Variants in DYNC1LI1 observed in about 807,000 individuals in gnomAD.
DYNC1LI1 encodes the protein dynein cytoplasmic 1 light intermediate chain 1.
Under a neutral mutation model 63.8 loss-of-function variants are expected in DYNC1LI1, and 19 were observed. The ratio of observed to expected loss-of-function variants is 0.30; its 90% confidence interval spans 0.21 to 0.44. The LOEUF is 0.44. Ranked by LOEUF, DYNC1LI1 falls within the 20% of genes least tolerant of loss-of-function variation. The probability of loss-of-function intolerance (pLI) is 1.00; values close to 1 mark genes in which losing one functional copy is unlikely to be tolerated. For missense variants in DYNC1LI1, 565 were observed against 630.2 expected (o/e 0.90, Z 1.11); for synonymous variants, 225 against 232.3 (o/e 0.97, Z 0.28).
chr3:32,533,634 T>C (rs867230723), intron 7 of DYNC1LI1, among the ~76,000 whole-genome samples: 2 of 150,218 alleles, frequency 1.3e-5, no homozygotes, highest in South Asian at 4.3e-4. Context: ...GGCTCAACCA[T>C]GGCTCACTGC....
chr3:32,545,792 G>A, intron 3 of DYNC1LI1, 57 bp downstream of exon 3: 1 of 1,162,498 alleles, frequency 8.6e-7, no homozygotes, highest in Middle Eastern at 1.9e-4. Context: ...AGACTAATGT[G>A]AATGGCAGTG....
At chr3:32,543,566 T>C (rs1223151739) in intron 4 of DYNC1LI1, among the ~76,000 whole-genome samples, 2 of 113,872 alleles carry the variant, frequency 1.8e-5, no homozygotes, top group Admixed American at 1.7e-4. Flanking sequence ...GCTGGGCTAA[T>C]TTTTTTTTTT....
intron 5 of DYNC1LI1, among the ~76,000 whole-genome samples, chr3:32,537,965 TATATATATTTATATATAA>T (rs1697808240): frequency 3.8e-4 from 1 of 2,662 alleles, no homozygotes; most frequent in African/African-American, 1.4e-3. Flanking sequence ...ATATATAATA[TATATATATTTATATATAA>T]TATATATATA....
At chr3:32,551,528 G>A (rs1247019912) in intron 2 of DYNC1LI1, among the ~76,000 whole-genome samples, 1 of 152,162 alleles carries the variant, frequency 6.6e-6, no homozygotes, top group Non-Finnish European at 1.5e-5. Flanking sequence ...CACAGTTTAG[G>A]TACTTTAGAA....
chr3:32,550,710 A>C lies in DYNC1LI1; in HGVS notation c.221-4745T>G, dbSNP rs140110519. 1.5e-3 allele frequency among the ~76,000 whole-genome samples: 231 copies of C among 152,352 alleles called. 2 individuals carry two copies. Among genetic ancestry groups the C allele is most frequent in the African/African-American group, 5.1e-3 (211 of 41,582 alleles). ...AGAATCACCTGAGAAGTTTGTTAAA[A>C]CACAGATTACTGGGACCCACCCCCT... On this transcript the variant is annotated intron_variant, in intron 2 of 12. Transcript: ENST00000273130.
At position 32,532,747 on chromosome 3, in the gene DYNC1LI1, A is replaced by G. The variant is rs529332325; in HGVS notation, c.1080+239T>C. ...TATATTAGAATGTGGATTCTGCACT[A>G]ACAATTGCTAATATAAATATGCCAA... On this transcript the variant is annotated intron_variant, in intron 8 of 12. Coordinates refer to ENST00000273130, the MANE Select transcript of DYNC1LI1 (RefSeq NM_016141.4). The G allele has an allele frequency of 4.0e-4, 213 of 530,298 alleles. 1 individual carries two copies. Among genetic ancestry groups the G allele is most frequent in the African/African-American group, 3.6e-3 (179 of 49,842 alleles). The allele number at this position is 530,298 out of a possible 1,614,324, so 32.8% of individuals were successfully genotyped here. A position where few individuals can be genotyped will look rare whatever the true frequency, so the allele number is the denominator to read the frequency against.
chr3:32,561,002 CAAAAAAAAAAA>C (rs59037467), intron 2 of DYNC1LI1, among the ~76,000 whole-genome samples: 4 of 26,120 alleles, frequency 1.5e-4, no homozygotes, highest in Non-Finnish European at 2.8e-4. Context: ...AACTCCGTCT[CAAAAAAAAAAA>C]AAAAAAAAAA....
chr3:32,539,532 A>G (rs1016404903), intron 5 of DYNC1LI1, among the ~76,000 whole-genome samples: 1 of 151,062 alleles, frequency 6.6e-6, no homozygotes, highest in African/African-American at 2.4e-5. Flanking sequence ...AAATTGATCT[A>G]TTATTATTAT....
intron 6 of DYNC1LI1, among the ~76,000 whole-genome samples, chr3:32,535,888 T>C (rs759865389): frequency 2.6e-5 from 4 of 152,310 alleles, no homozygotes; most frequent in Admixed American, 6.5e-5. Context: ...TTTTTAAGTA[T>C]AGCATTAAAT....
At chr3:32,545,148 G>C in intron 3 of DYNC1LI1, 42 bp from the exon 4 acceptor site, 2 of 1,343,916 alleles carry the variant, frequency 1.5e-6, no homozygotes. Context: ...ACAAGATTAA[G>C]TCATTTCATC....
chr3:32,530,639 T>C (rs1697683566), intron 8 of DYNC1LI1, 119 bp from the exon 9 acceptor site: 1 of 865,818 alleles, frequency 1.2e-6, no homozygotes, highest in Non-Finnish European at 1.8e-6. Context: ...TTACCTATAC[T>C]ATATTTATAT....
In DYNC1LI1 at chr3:32,555,504, T is replaced by C. The variant is rs530030777; in HGVS notation, c.221-9539A>G. Among the ~76,000 whole-genome samples, 3 of 152,350 alleles carry C rather than the reference T, an allele frequency of 2.0e-5. No homozygotes were observed. In the East Asian group the frequency reaches 5.8e-4, roughly 29 times the overall value. On this transcript the variant is annotated intron_variant, in intron 2 of 12. Coordinates refer to ENST00000273130, the MANE Select transcript of DYNC1LI1 (RefSeq NM_016141.4). ...TTCTAGGGTTATACACATCTTCCAA[T>C]CATATTGTTTGTTAAACTGTTTTTC...
intron 2 of DYNC1LI1, 85 bp downstream of exon 2, chr3:32,570,259 CAA>C (rs1698326932): frequency 8.0e-6 from 9 of 1,130,384 alleles, no homozygotes; most frequent in South Asian, 6.7e-5. Context: ...GCTGTCCGCA[CAA>C]AGAGAGCCAG....
chr3:32,527,014 T>G (rs768279718), intron 12 of DYNC1LI1, 106 bp from the exon 13 acceptor site: 1 of 731,694 alleles, frequency 1.4e-6, no homozygotes, highest in Non-Finnish European at 2.3e-6. Context: ...ATTAACTTTA[T>G]TTAGCACACT....
intron 7 of DYNC1LI1, among the ~76,000 whole-genome samples, chr3:32,533,969 C>T (rs1484975839): frequency 6.6e-6 from 1 of 151,560 alleles, no homozygotes; most frequent in Non-Finnish European, 1.5e-5. Context: ...TTCTGCCTCC[C>T]AGGTTCAAGT....
At chr3:32,565,672 C>T (rs1427376684) in intron 2 of DYNC1LI1, among the ~76,000 whole-genome samples, 1 of 152,108 alleles carries the variant, frequency 6.6e-6, no homozygotes, top group Non-Finnish European at 1.5e-5. Context: ...TGCAATGGCG[C>T]CATCTTGGCT....
rs1553617874 is a variant in DYNC1LI1 at position 32,537,937 on chromosome 3, A to AAT, written c.739-835_739-834dup. ...TAATTTATATATATAATATATATAT[A>AAT]ATATATATATAATTTATATATATAA... On this transcript the variant is annotated intron_variant, in intron 5 of 12. Coordinates refer to ENST00000273130, the MANE Select transcript of DYNC1LI1 (RefSeq NM_016141.4). Among the ~76,000 whole-genome samples the AAT allele has an allele frequency of 4.3e-3, 60 of 13,884 alleles. 3 individuals carry two copies. Among genetic ancestry groups the AAT allele is most frequent in the Admixed American group, 5.0e-3 (4 of 802 alleles). 9.1% of individuals were successfully genotyped at this position (13,884 alleles called of 152,430 possible). A position where few individuals can be genotyped will look rare whatever the true frequency, so the allele number is the denominator to read the frequency against.
At chr3:32,570,313 C>G in intron 2 of DYNC1LI1, 33 bp downstream of exon 2, 1 of 1,513,676 alleles carries the variant, frequency 6.6e-7, no homozygotes, top group Non-Finnish European at 9.0e-7. Context: ...CGCTGGGGGC[C>G]GGGCGGGGCG....
intron 11 of DYNC1LI1, 90 bp downstream of exon 11, chr3:32,529,450 G>T (rs1457923316): frequency 1.5e-5 from 20 of 1,294,220 alleles, no homozygotes; most frequent in Non-Finnish European, 2.0e-5. Context: ...ACACAAGAAT[G>T]AAAATAGTTA....
Sources: allele counts gnomAD v4.1 joint callset (sites outside exome capture counted in the v4.1 genomes callset), GRCh38; gene constraint gnomAD v4.1.1; transcripts MANE v1.5; gene names NCBI Gene and HGNC (gene_info 2026-07-23, HGNC 2026-07-21).